The following COL26A1 variants were observed in gnomAD, a reference collection of about 807,000 sequenced individuals.
COL26A1 encodes collagen alpha-1(XXVI) chain.
Under a neutral mutation model 59.3 loss-of-function variants are expected in COL26A1, and 41 were observed. The observed-to-expected ratio is 0.69, with a 90% CI of 0.54 to 0.90. The LOEUF (loss-of-function observed/expected upper bound fraction) is 0.90. Ranked by LOEUF, COL26A1 falls within the 40% of genes least tolerant of loss-of-function variation. COL26A1 has a pLI of 0.00. For synonymous variants in COL26A1, 266 were observed against 256.0 expected (o/e 1.04, Z -0.37); for missense variants, 612 against 602.3 (o/e 1.02, Z -0.17).
intron 3 of COL26A1, among the ~76,000 whole-genome samples, chr7:101,522,032 G>A (rs1010796668): frequency 2.0e-5 from 3 of 152,166 alleles, no homozygotes; most frequent in African/African-American, 7.2e-5. Flanking sequence ...AATTTGGGCT[G>A]TTTCTAATTT....
At chr7:101,505,183 T>G (rs1295570816) in intron 3 of COL26A1, among the ~76,000 whole-genome samples, 1 of 145,496 alleles carries the variant, frequency 6.9e-6, no homozygotes, top group African/African-American at 2.5e-5. Flanking sequence ...TAGATCCATG[T>G]TGGGTGGGTG....
At chr7:101,415,687 G>C (rs1481788802) in intron 1 of COL26A1, among the ~76,000 whole-genome samples, 1 of 152,058 alleles carries the variant, frequency 6.6e-6, no homozygotes, top group Non-Finnish European at 1.5e-5. Context: ...CTGGAGTGCA[G>C]TGGTGCGATC....
At chr7:101,463,639 CTT>C (rs1793670961) in intron 3 of COL26A1, among the ~76,000 whole-genome samples, 1 of 26,496 alleles carries the variant, frequency 3.8e-5, no homozygotes, top group East Asian at 1.1e-3. Context: ...TCCTTCCTTC[CTT>C]CCATCCTTCC....
At chr7:101,549,017 G>A (rs544923982) in intron 8 of COL26A1, among the ~76,000 whole-genome samples, 154 bp from the exon 9 acceptor site, 10 of 152,290 alleles carry the variant, frequency 6.6e-5, no homozygotes, top group Admixed American at 5.2e-4. Flanking sequence ...TGGAGACCTC[G>A]TTGAGAGGGG....
intron 3 of COL26A1, among the ~76,000 whole-genome samples, chr7:101,526,131 C>T (rs969137359): frequency 6.6e-6 from 1 of 151,992 alleles, no homozygotes; most frequent in Non-Finnish European, 1.5e-5. Context: ...TCACTGCAAC[C>T]TCCGCCTCCT....
intron 3 of COL26A1, among the ~76,000 whole-genome samples, chr7:101,472,171 G>C (rs2087785783): frequency 6.6e-6 from 1 of 151,850 alleles, no homozygotes; most frequent in African/African-American, 2.4e-5. Context: ...CGCCTGGCCA[G>C]TTTCCAAATT....
intron 1 of COL26A1, among the ~76,000 whole-genome samples, chr7:101,401,351 G>C (rs1791990553): frequency 6.6e-6 from 1 of 152,100 alleles, no homozygotes; most frequent in Non-Finnish European, 1.5e-5. Context: ...TATGTCAGCG[G>C]GATGGTCTCT....
chr7:101,420,045 T>C lies in COL26A1; in HGVS notation c.227T>C (p.Val76Ala), dbSNP rs779109033. The change falls in exon 2 of 13, where the codon GTC becomes GCC. Residue 76 changes from valine (V) to alanine (A), a missense_variant. By Grantham distance (64) the Val-to-Ala change is moderately conservative. Coordinates refer to ENST00000313669, the MANE Select transcript of COL26A1 (RefSeq NM_001278563.3). Reference sequence around the variant, plus strand: ...GTGCAGAATGGCTCGGAGACGGTGGTCCAGCGCGTGTACCAGAGCTGCCGG... The same window carrying C: ...GTGCAGAATGGCTCGGAGACGGTGGCCCAGCGCGTGTACCAGAGCTGCCGG... ...CQVQNGSETV[V>A]QRVYQSCRWP... 6.2e-7 allele frequency: 1 copy of C among 1,613,092 alleles called. No homozygotes were observed. Among genetic ancestry groups the C allele is most frequent in the Non-Finnish European group, 8.5e-7 (1 of 1,179,854 alleles).
At chr7:101,534,133 G>A (rs1257510969) in intron 4 of COL26A1, among the ~76,000 whole-genome samples, 1 of 152,226 alleles carries the variant, frequency 6.6e-6, no homozygotes, top group Admixed American at 6.5e-5. Flanking sequence ...TGGGACAGCA[G>A]GGTTGGCTGC....
chr7:101,401,922 G>C (rs1266521833), intron 1 of COL26A1, among the ~76,000 whole-genome samples: 1 of 152,118 alleles, frequency 6.6e-6, no homozygotes, highest in African/African-American at 2.4e-5. Context: ...CCTGCTGGGG[G>C]TTACGTGAAC....
At chr7:101,554,955 A>C (rs1795935492) in intron 11 of COL26A1, among the ~76,000 whole-genome samples, 1 of 152,060 alleles carries the variant, frequency 6.6e-6, no homozygotes. Flanking sequence ...ATAACCCAGT[A>C]GGATGCTTTT....
chr7:101,444,417 CTT>C (rs71517174), intron 2 of COL26A1, among the ~76,000 whole-genome samples: 163 of 137,698 alleles, frequency 1.2e-3, no homozygotes, highest in Non-Finnish European at 1.5e-3. Context: ...TTCCTTTCTT[CTT>C]TTTTTTTTTT....
intron 9 of COL26A1, among the ~76,000 whole-genome samples, chr7:101,549,879 C>T (rs996051455): frequency 6.6e-6 from 1 of 152,194 alleles, no homozygotes. Flanking sequence ...AGCCCCTCAC[C>T]TTGCCCTGAG....
intron 1 of COL26A1, among the ~76,000 whole-genome samples, chr7:101,376,470 G>A (rs1027200209): frequency 9.9e-5 from 15 of 152,134 alleles, no homozygotes; most frequent in African/African-American, 3.6e-4. Context: ...TCCTAGAGGA[G>A]TCTCCATTCA....
chr7:101,367,354 A>T (rs932126424), intron 1 of COL26A1, among the ~76,000 whole-genome samples: 1 of 152,074 alleles, frequency 6.6e-6, no homozygotes, highest in African/African-American at 2.4e-5. Context: ...CCATTATTTG[A>T]TTAGGGATGT....
chr7:101,555,794 G>C lies in COL26A1; in HGVS notation c.1088G>C (p.Gly363Ala), dbSNP rs764453225. 5 of 1,609,776 alleles carry C rather than the reference G, an allele frequency of 3.1e-6. No homozygotes were observed. The South Asian group carries it at 3.3e-5, about 11-fold the overall frequency. Reference protein sequence around the residue: ...GEKAATAEGEGVQQLREALKI... With the variant: ...GEKAATAEGEAVQQLREALKI... Reference sequence around the variant, plus strand: ...CTGTTTCCTCCCCGCCAGGGCGAGGGGGTGCAGCAGCTGAGAGAGGCCCTG... The same window carrying C: ...CTGTTTCCTCCCCGCCAGGGCGAGGCGGTGCAGCAGCTGAGAGAGGCCCTG... The change falls in exon 12 of 13, where the codon GGG (glycine) becomes GCG (alanine). Residue 363 changes from glycine to alanine, a missense_variant. Gly to Ala is a moderately conservative substitution (Grantham distance 60). Coordinates refer to ENST00000313669, the MANE Select transcript of COL26A1 (RefSeq NM_001278563.3).
intron 3 of COL26A1, among the ~76,000 whole-genome samples, chr7:101,454,701 T>C (rs927432281): frequency 9.8e-5 from 15 of 152,318 alleles, no homozygotes; most frequent in Non-Finnish European, 2.1e-4. Context: ...GCTGTGATGT[T>C]CCTTGCGGAG....
chr7:101,451,241 A>C (rs977454672), intron 3 of COL26A1, among the ~76,000 whole-genome samples: 1 of 145,334 alleles, frequency 6.9e-6, no homozygotes, highest in Non-Finnish European at 1.5e-5. Flanking sequence ...GACAATTTAT[A>C]CATTGTATAT....
At chr7:101,442,020 C>A (rs1030167231) in intron 2 of COL26A1, among the ~76,000 whole-genome samples, 1 of 152,176 alleles carries the variant, frequency 6.6e-6, no homozygotes, top group Non-Finnish European at 1.5e-5. Flanking sequence ...CAGGCTTGCA[C>A]TCCTGAGCCC....
Sources: allele counts gnomAD v4.1 joint callset (sites outside exome capture counted in the v4.1 genomes callset), GRCh38; gene constraint gnomAD v4.1.1; transcripts MANE v1.5; gene names NCBI Gene and HGNC (gene_info 2026-07-23, HGNC 2026-07-21).